The following TCF12 variants were observed in gnomAD, a reference collection of about 807,000 sequenced individuals.
TCF12 encodes transcription factor 12.
In TCF12, 45 loss-of-function variants were observed where a neutral mutation model predicts 86.0. That is an observed-to-expected ratio of 0.52 (90% CI 0.41 to 0.67). TCF12 has a LOEUF of 0.67. TCF12 is among the 30% of genes least tolerant of loss of function. The pLI is 0.00. For missense variants in TCF12, 881 were observed against 859.9 expected (o/e 1.02, Z -0.31); for synonymous variants, 330 against 299.6 (o/e 1.10, Z -1.05).
chr15:57,281,977 G>A (rs1366185922), intron 19 of TCF12, among the ~76,000 whole-genome samples: 2 of 152,036 alleles, frequency 1.3e-5, no homozygotes, highest in African/African-American at 4.8e-5. Flanking sequence ...AAAAGGTTGG[G>A]GACCACTGCT....
intron 6 of TCF12, among the ~76,000 whole-genome samples, chr15:57,168,785 G>A (rs750288658): frequency 3.0e-4 from 46 of 152,264 alleles, no homozygotes; most frequent in Admixed American, 5.2e-4. Flanking sequence ...GCTCACACCT[G>A]TAATCCCAGC....
intron 8 of TCF12, among the ~76,000 whole-genome samples, chr15:57,203,015 A>G (rs905412797): frequency 2.0e-5 from 3 of 152,182 alleles, no homozygotes; most frequent in Admixed American, 6.5e-5. Context: ...GAAGATATAT[A>G]AAAAAGGATA....
intron 16 of TCF12, among the ~76,000 whole-genome samples, chr15:57,257,628 T>A (rs1045445793): frequency 6.7e-6 from 1 of 149,934 alleles, no homozygotes; most frequent in East Asian, 2.0e-4. Context: ...GCCACTGCAG[T>A]TGAGCCTGGA....
intron 4 of TCF12, among the ~76,000 whole-genome samples, chr15:57,066,169 T>A (rs2068858496): frequency 6.6e-6 from 1 of 152,156 alleles, no homozygotes; most frequent in East Asian, 1.9e-4. Flanking sequence ...TACTACTTTA[T>A]AGGGAAATTA....
chr15:57,056,148 TGTG>T (rs2068009344), intron 3 of TCF12, among the ~76,000 whole-genome samples: 1 of 151,528 alleles, frequency 6.6e-6, no homozygotes, highest in Non-Finnish European at 1.5e-5. Flanking sequence ...TGTGTGTGTG[TGTG>T]TGTTTTGAGA....
chr15:57,015,756 T>C (rs1264341758), intron 3 of TCF12, among the ~76,000 whole-genome samples: 1 of 152,224 alleles, frequency 6.6e-6, no homozygotes, highest in Non-Finnish European at 1.5e-5. Flanking sequence ...AGCCACACTA[T>C]TCTGATGGAA....
chr15:56,958,431 T>G (rs1343777970), intron 3 of TCF12, among the ~76,000 whole-genome samples: 1 of 152,214 alleles, frequency 6.6e-6, no homozygotes, highest in Admixed American at 6.5e-5. Context: ...TAAATCTATT[T>G]CTGTTACTCT....
chr15:57,160,601 A>C (rs2054433759), intron 5 of TCF12, among the ~76,000 whole-genome samples: 1 of 152,214 alleles, frequency 6.6e-6, no homozygotes, highest in African/African-American at 2.4e-5. Flanking sequence ...ATGTAGCAGT[A>C]CTTCTAAAAC....
chr15:57,232,540 T>A, intron 10 of TCF12, 110 bp downstream of exon 10: 1 of 1,480,640 alleles, frequency 6.8e-7, no homozygotes, highest in Non-Finnish European at 9.0e-7. Context: ...AAGTTTGAAG[T>A]ACTTCAAGGC....
At chr15:57,055,902 G>T (rs1270333287) in intron 3 of TCF12, among the ~76,000 whole-genome samples, 1 of 151,668 alleles carries the variant, frequency 6.6e-6, no homozygotes, top group Non-Finnish European at 1.5e-5. Flanking sequence ...TATTTTCTTT[G>T]TTCTCTCATT....
chr15:57,122,076 C>T (rs2051274100), intron 5 of TCF12, among the ~76,000 whole-genome samples: 1 of 123,240 alleles, frequency 8.1e-6, no homozygotes. Context: ...TTTCCTGCTT[C>T]TTATCTCCTT....
At chr15:57,147,795 A>G (rs2053461809) in intron 5 of TCF12, among the ~76,000 whole-genome samples, 1 of 152,146 alleles carries the variant, frequency 6.6e-6, no homozygotes, top group African/African-American at 2.4e-5. Context: ...CCTAAACTTT[A>G]TAATAGGAAA....
Position 57,197,817 on chromosome 15 carries a change from C to T in TCF12, c.571C>T (p.Pro191Ser). ...KKVRKVPPGL[P>S]SSVYAPSPNS... ...AGTCAGAAAGGTGCCTCCTGGTTTG[C>T]CTTCTTCTGTAAGTACCTATCTTTT... Residue 191 changes from proline to serine, a missense_variant, in exon 8 of 21, where the codon CCT (proline) becomes TCT (serine). This residue lies in a region of TCF12 where 766 missense variants were observed against 718.9 expected (regional missense o/e 1.07). Coordinates refer to ENST00000333725, the MANE Select transcript of TCF12 (RefSeq NM_207037.2). 1 of 1,613,908 alleles carries T rather than the reference C, an allele frequency of 6.2e-7. No homozygotes were observed. The highest frequency in any genetic ancestry group is 8.5e-7 in the Non-Finnish European group (1 of 1,179,902).
At chr15:57,095,605 G>A (rs777349927) in intron 5 of TCF12, among the ~76,000 whole-genome samples, 1 of 152,104 alleles carries the variant, frequency 6.6e-6, no homozygotes, top group African/African-American at 2.4e-5. Context: ...CTTGTTTTTT[G>A]AGACCCTTAA....
intron 6 of TCF12, among the ~76,000 whole-genome samples, chr15:57,184,229 G>A (rs544431401): frequency 2.0e-5 from 3 of 152,062 alleles, no homozygotes; most frequent in South Asian, 2.1e-4. Context: ...AACACTGAAC[G>A]CTTAACACTG....
At position 57,141,717 on chromosome 15, in the gene TCF12, G is replaced by C. The variant is rs370751418; in HGVS notation, c.326-24685G>C. Among the ~76,000 whole-genome samples the C allele has an allele frequency of 5.3e-5, 8 of 152,296 alleles. No individual in the cohort carries two copies. The East Asian group carries it at 1.2e-3, about 22-fold the overall frequency. Reference sequence around the variant, plus strand: ...AAACAGCTATAAATCTTGCAACTCAGAGAAGAACTATCTTTTCCTTTTAAA... The same window carrying C: ...AAACAGCTATAAATCTTGCAACTCACAGAAGAACTATCTTTTCCTTTTAAA... On this transcript the variant is annotated intron_variant, in intron 5 of 20. Transcript: ENST00000333725.
At chr15:57,252,932 T>C (rs1336806203) in intron 15 of TCF12, among the ~76,000 whole-genome samples, 1 of 149,206 alleles carries the variant, frequency 6.7e-6, no homozygotes, top group Admixed American at 6.7e-5. Context: ...TTGTACTTTT[T>C]TTTTTTTTTT....
chr15:57,083,604 A>G (rs781262178), intron 4 of TCF12, among the ~76,000 whole-genome samples: 4 of 152,020 alleles, frequency 2.6e-5, no homozygotes, highest in Admixed American at 6.6e-5. Flanking sequence ...AAATTTTTTG[A>G]GATGAGCTCT....
rs937369402 is a variant in TCF12, at chr15:57,157,031, A to T, written c.326-9371A>T. Among the ~76,000 whole-genome samples the T allele has an allele frequency of 3.9e-5, 6 of 152,184 alleles. No homozygotes were observed. In the East Asian group the frequency reaches 9.6e-4, roughly 24 times the overall value. On this transcript the variant is annotated intron_variant, in intron 5 of 20. Coordinates refer to ENST00000333725, the MANE Select transcript of TCF12 (RefSeq NM_207037.2). Reference sequence around the variant, plus strand: ...GAGATGCCAAAAGTAGATGTATTTGATAATTTGTTCCCTCTATCTTCCCCC... The same window carrying T: ...GAGATGCCAAAAGTAGATGTATTTGTTAATTTGTTCCCTCTATCTTCCCCC...
Sources: allele counts gnomAD v4.1 joint callset (sites outside exome capture counted in the v4.1 genomes callset), GRCh38; gene constraint gnomAD v4.1.1; regional missense constraint gnomAD v4.1.1; transcripts MANE v1.5; gene names NCBI Gene and HGNC (gene_info 2026-07-23, HGNC 2026-07-21).